DAZAP1: variants seen among roughly 807,000 people sequenced by gnomAD.
DAZAP1 encodes DAZ associated protein 1.
In DAZAP1, 6 loss-of-function variants were observed where a neutral mutation model predicts 60.1. The ratio of observed to expected loss-of-function variants is 0.10; its 90% CI spans 0.05 to 0.20. DAZAP1 has a LOEUF of 0.20. Among genes scored for constraint, DAZAP1 ranks in the 10% least tolerant of loss-of-function variants. DAZAP1 has a pLI of 1.00. For synonymous variants in DAZAP1, 235 were observed against 215.9 expected (o/e 1.09, Z -0.78); for missense variants, 366 against 560.4 (o/e 0.65, Z 3.50).
At position 1,425,412 on chromosome 19, in the gene DAZAP1, C is replaced by T. The variant is rs979258582; in HGVS notation, c.464-466C>T. Among the ~76,000 whole-genome samples the T allele has an allele frequency of 2.4e-4, 37 of 152,338 alleles. No individual in the cohort carries two copies. Among genetic ancestry groups the T allele is most frequent in the African/African-American group, 8.2e-4 (34 of 41,574 alleles). On this transcript the variant is annotated intron_variant, in intron 6 of 11. Transcript: ENST00000233078. The surrounding 1 kb of genome is among the most constrained non-coding windows in gnomAD (Gnocchi z 5.4). ...CCCCTGACTAAGATGGCGCATTCCA[C>T]GCGGGCCCCCGGCCTGCAGGGTTCA...
chr19:1,415,511 C>CT (rs762029054), intron 1 of DAZAP1, among the ~76,000 whole-genome samples: 14 of 150,270 alleles, frequency 9.3e-5, no homozygotes, highest in Admixed American at 5.4e-4. Context: ...GGGGTGGGGG[C>CT]TGCTGCTGGC....
rs2082707479 is a variant in DAZAP1, at chr19:1,407,810, C to T, written c.29+8C>T. The T allele has an allele frequency of 1.9e-6, 2 of 1,072,028 alleles. No individual in the cohort carries two copies. Among genetic ancestry groups the T allele is most frequent in the Non-Finnish European group, 2.3e-6 (2 of 885,912 alleles). The allele number at this position is 1,072,028 out of a possible 1,614,324, so 66.4% of individuals were successfully genotyped here. Reference sequence around the variant, plus strand: ...GGGCGCCGACGAGATCGGGTGAGGACGAGCGGCGCGGGCCTGCGTCTCCGC... The same window carrying T: ...GGGCGCCGACGAGATCGGGTGAGGATGAGCGGCGCGGGCCTGCGTCTCCGC... On this transcript the variant is annotated splice_region_variant and intron_variant, in intron 1 of 11. Coordinates refer to ENST00000233078, the MANE Select transcript of DAZAP1 (RefSeq NM_018959.4).
Position 1,433,600 on chromosome 19 carries a change from G to T in DAZAP1, c.1048+910G>T. 3.0e-6 allele frequency: 2 copies of T among 667,650 alleles called. No individual in the cohort carries two copies. Among genetic ancestry groups the T allele is most frequent in the Non-Finnish European group, 5.2e-6 (2 of 385,796 alleles). 41.4% of individuals were successfully genotyped at this position (667,650 alleles called of 1,614,324 possible). Reference sequence around the variant, plus strand: ...GAGGTTGCCGCATGTGTGGGTTCTTGACCCACTCACCACCAAACCCTGGCG... The same window carrying T: ...GAGGTTGCCGCATGTGTGGGTTCTTTACCCACTCACCACCAAACCCTGGCG... On this transcript the variant is annotated intron_variant, in intron 11 of 11. Coordinates refer to ENST00000233078, the MANE Select transcript of DAZAP1 (RefSeq NM_018959.4). The surrounding 1 kb of genome is among the most constrained non-coding windows in gnomAD (Gnocchi z 6.1).
intron 1 of DAZAP1, among the ~76,000 whole-genome samples, chr19:1,409,371 A>T (rs1265123569): frequency 6.6e-6 from 1 of 152,172 alleles, no homozygotes; most frequent in Non-Finnish European, 1.5e-5. Context: ...AGGAGGCTGG[A>T]GAGAGGTGAG....
chr19:1,427,615 C>A (rs770304396), intron 7 of DAZAP1: 1 of 152,200 alleles, frequency 6.6e-6, no homozygotes, highest in Non-Finnish European at 1.5e-5. Flanking sequence ...GTACAAGGAC[C>A]GCTCTGCTTT....
rs1311041336 is a variant in DAZAP1, at chr19:1,434,292, G to A, written c.1049-445G>A. 1 of 206,058 alleles carries A rather than the reference G, an allele frequency of 4.9e-6. No homozygotes were observed. Among genetic ancestry groups the A allele is most frequent in the African/African-American group, 2.3e-5 (1 of 42,594 alleles). 12.8% of individuals were successfully genotyped at this position (206,058 alleles called of 1,614,324 possible). On this transcript the variant is annotated intron_variant, in intron 11 of 11. Coordinates refer to ENST00000233078, the MANE Select transcript of DAZAP1 (RefSeq NM_018959.4). The surrounding 1 kb of genome is among the most constrained non-coding windows in gnomAD (Gnocchi z 8.0). ...TGACAGGAAGGACAACGTGGGGTCT[G>A]GTCTGCGACGGAGGGGCAGGCCCTG...
At position 1,407,896 on chromosome 19, in the gene DAZAP1, C is replaced by T. The variant is rs551666571; in HGVS notation, c.29+94C>T. 1.2e-3 allele frequency: 1,240 copies of T among 1,000,648 alleles called. 10 individuals carry two copies. In the African/African-American group the frequency reaches 0.02, roughly 16 times the overall value. The allele number at this position is 1,000,648 out of a possible 1,614,324, so 62.0% of individuals were successfully genotyped here. A position where few individuals can be genotyped will look rare whatever the true frequency, so the allele number is the denominator to read the frequency against. ...TCAGACGCCGCCCCCCGGGGCCGCC[C>T]CGTCAAGGTCACGCCGGCCGGGGGC... On this transcript the variant is annotated intron_variant, in intron 1 of 11. Transcript: ENST00000233078.
intron 1 of DAZAP1, among the ~76,000 whole-genome samples, chr19:1,409,240 G>A (rs562789489): frequency 2.0e-5 from 3 of 152,342 alleles, no homozygotes; most frequent in African/African-American, 4.8e-5. Context: ...CACCGGCCAT[G>A]GGGGATGGAG....
rs149299030 is a variant in DAZAP1 at position 1,414,128 on chromosome 19, C to T, written c.30-3372C>T. On this transcript the variant is annotated intron_variant, in intron 1 of 11. Transcript: ENST00000233078. ...CCTCCCGGGTTCAAGCAGTACACCT[C>T]GAGCTCAGCCTCCCGAGTGGCTAGG... Among the ~76,000 whole-genome samples, 44 of 151,848 alleles carry T rather than the reference C, an allele frequency of 2.9e-4. 2 individuals are homozygous for T. The East Asian group carries it at 7.9e-3, about 27-fold the overall frequency.
intron 10 of DAZAP1, among the ~76,000 whole-genome samples, chr19:1,431,744 G>C (rs764879926): frequency 2.0e-5 from 3 of 152,240 alleles, no homozygotes; most frequent in Non-Finnish European, 4.4e-5. Context: ...TGGGCCATAC[G>C]TGGGGTGTCC....
In DAZAP1 at chr19:1,418,707, G is replaced by A. The variant is rs200990823; in HGVS notation, c.279G>A (p.Glu93=). ...GCACACCCCGGGGGATGCAGCCGGA[G>A]AGAACACGGCCGAAGGAAGGATGGG... ...KPCTPRGMQP[E]RTRPKEGWQK... The change falls in exon 4 of 12, where the codon GAG becomes GAA. Residue 93 remains glutamate, a synonymous_variant. Coordinates refer to ENST00000233078, the MANE Select transcript of DAZAP1 (RefSeq NM_018959.4). This position sits in a 1 kb window ranked among gnomAD's most constrained non-coding sequence, Gnocchi z 5.7. The A allele has an allele frequency of 5.0e-6, 8 of 1,613,362 alleles. No individual in the cohort carries two copies. The Admixed American group carries it at 6.7e-5, about 13-fold the overall frequency.
At position 1,418,131 on chromosome 19, in the gene DAZAP1, C is replaced by T. The variant is rs751067819; in HGVS notation, c.71-73C>T. On this transcript the variant is annotated intron_variant, in intron 2 of 11. Coordinates refer to ENST00000233078, the MANE Select transcript of DAZAP1 (RefSeq NM_018959.4). The surrounding 1 kb of genome is among the most constrained non-coding windows in gnomAD (Gnocchi z 5.7). ...TGGTGGACTGGAGGAGTGTGCGTGC[C>T]GGCAGCACTGCCAGGCACGTGCCTA... is the stretch of plus-strand genomic sequence containing the variant. The T allele has an allele frequency of 9.8e-6, 15 of 1,526,898 alleles. No individual in the cohort carries two copies. The highest frequency in any genetic ancestry group is 3.4e-4 in the Middle Eastern group (2 of 5,844). 94.6% of individuals were successfully genotyped at this position (1,526,898 alleles called of 1,614,324 possible).
intron 1 of DAZAP1, 134 bp from the exon 2 acceptor site, chr19:1,417,366 A>G: frequency 3.2e-6 from 3 of 945,326 alleles, no homozygotes; most frequent in Non-Finnish European, 4.9e-6. Flanking sequence ...TGAGCTTTGT[A>G]TGCCGTCACG....
At chr19:1,421,936 G>A (rs1261499898) in intron 5 of DAZAP1, among the ~76,000 whole-genome samples, 4 of 152,188 alleles carry the variant, frequency 2.6e-5, no homozygotes, top group South Asian at 4.1e-4. Context: ...TGGCTGCCCC[G>A]CCACTTCGAG....
At position 1,434,188 on chromosome 19, in the gene DAZAP1, C is replaced by T; in HGVS notation, c.1049-549C>T. The T allele has an allele frequency of 3.8e-6, 1 of 261,818 alleles. No individual in the cohort carries two copies. Among genetic ancestry groups the T allele is most frequent in the East Asian group, 9.8e-5 (1 of 10,188 alleles). The allele number at this position is 261,818 out of a possible 1,614,324, so 16.2% of individuals were successfully genotyped here. A position where few individuals can be genotyped will look rare whatever the true frequency, so the allele number is the denominator to read the frequency against. On this transcript the variant is annotated intron_variant, in intron 11 of 11. Coordinates refer to ENST00000233078, the MANE Select transcript of DAZAP1 (RefSeq NM_018959.4). The surrounding 1 kb of genome is among the most constrained non-coding windows in gnomAD (Gnocchi z 8.0). ...GACGGGCTGCAGGGTGTGCTGGCCC[C>T]TCAGCCAGTGGTGTCACTGGGGCAG...
rs372668080 is a variant in DAZAP1, at chr19:1,423,047, C to G, written c.463+651C>G. Among the ~76,000 whole-genome samples the G allele has an allele frequency of 1.3e-5, 2 of 150,942 alleles. No homozygotes were observed. Among genetic ancestry groups the G allele is most frequent in the African/African-American group, 4.8e-5 (2 of 41,420 alleles). ...CGTGGCTGCTGCTGTCTGTCCCGCC[C>G]GCCCGCATGGTTTTGGTTCATCAGC... On this transcript the variant is annotated intron_variant, in intron 6 of 11. Coordinates refer to ENST00000233078, the MANE Select transcript of DAZAP1 (RefSeq NM_018959.4). The surrounding 1 kb of genome is among the most constrained non-coding windows in gnomAD (Gnocchi z 6.8).
chr19:1,430,318 C>A lies in DAZAP1; in HGVS notation c.827C>A (p.Pro276His). Residue 276 changes from proline to histidine, a missense_variant, in exon 10 of 12, where the codon CCT becomes CAT. Physicochemically the swap from Pro to His is moderately conservative, Grantham distance 77. Transcript: ENST00000233078. Reference protein sequence around the residue: ...IVSTPPGGFPPPQGFPQGYGA... With the variant: ...IVSTPPGGFPHPQGFPQGYGA... ...TCCACCCCTCCTGGAGGCTTTCCCC[C>A]TCCCCAGGGCTTCCCTCAGGGCTAC... The A allele has an allele frequency of 6.4e-7, 1 of 1,564,932 alleles. No homozygotes were observed. The highest frequency in any genetic ancestry group is 8.6e-7 in the Non-Finnish European group (1 of 1,158,454).
chr19:1,408,544 C>A (rs925633706), intron 1 of DAZAP1, among the ~76,000 whole-genome samples: 3 of 152,232 alleles, frequency 2.0e-5, no homozygotes, highest in African/African-American at 7.2e-5. Context: ...CCCACCCCCC[C>A]AAAGTGGTAA....
intron 10 of DAZAP1, among the ~76,000 whole-genome samples, chr19:1,431,408 C>T (rs931611092): frequency 1.4e-4 from 22 of 152,016 alleles, no homozygotes; most frequent in Admixed American, 1.4e-3. Context: ...GGATTAGAAG[C>T]GTGAGCCACC....
Sources: gnomAD v4.1 joint callset for allele counts (sites outside exome capture counted in the v4.1 genomes callset) on GRCh38, gnomAD v4.1.1 for gene constraint, Gnocchi (gnomAD v3.1) non-coding constraint, MANE v1.5 for transcripts, NCBI Gene and HGNC (gene_info 2026-07-23, HGNC 2026-07-21) for gene names.